Variants in TCEA1 observed in about 807,000 individuals in gnomAD.
TCEA1 encodes transcription elongation factor A protein 1.
In TCEA1, 21 loss-of-function variants were observed where a neutral mutation model predicts 43.8. That is an observed-to-expected ratio of 0.48 (90% CI 0.34 to 0.69). TCEA1 has a LOEUF of 0.69. Among genes scored for constraint, TCEA1 ranks in the 30% least tolerant of loss-of-function variants. The pLI, the probability that TCEA1 is intolerant of heterozygous loss-of-function variation, is 0.01. For synonymous variants in TCEA1, 104 were observed against 117.5 expected (o/e 0.88, Z 0.75); for missense variants, 250 against 365.1 (o/e 0.68, Z 2.57).
In TCEA1 at chr8:53,988,189, G is replaced by A. The variant is rs1005850753; in HGVS notation, c.391C>T (p.Pro131Ser). 3 of 1,613,164 alleles carry A rather than the reference G, an allele frequency of 1.9e-6. No individual in the cohort carries two copies. Among genetic ancestry groups the A allele is most frequent in the African/African-American group, 1.3e-5 (1 of 74,908 alleles). The change falls in exon 5 of 10, where the codon CCT becomes TCT. Residue 131 changes from proline to serine, a missense_variant. By Grantham distance (74) the Pro-to-Ser change is moderately conservative. Transcript: ENST00000521604. ...GAATCAGAAGTGCTTGGTGCCCGAG[G>A]AAAGGATGAAACATAAGTATCTCGA... The part of the protein sequence containing the change: ...NARDTYVSSF[P>S]RAPSTSDSVR...
chr8:53,988,519 A>G (rs138198190), intron 4 of TCEA1, among the ~76,000 whole-genome samples: 131 of 152,318 alleles, frequency 8.6e-4, no homozygotes, highest in African/African-American at 2.9e-3. Flanking sequence ...ATATTAAGCA[A>G]TATTTTTAAT....
At chr8:54,010,646 T>C (rs368955771) in intron 1 of TCEA1, among the ~76,000 whole-genome samples, 154 bp from the exon 2 acceptor site, 7 of 152,166 alleles carry the variant, frequency 4.6e-5, no homozygotes, top group Non-Finnish European at 5.9e-5. Context: ...AGCCAAATAT[T>C]ACAATTTGAT....
chr8:54,011,562 T>C (rs898221762), intron 1 of TCEA1, among the ~76,000 whole-genome samples: 1 of 152,262 alleles, frequency 6.6e-6, no homozygotes, highest in Non-Finnish European at 1.5e-5. Flanking sequence ...CAATGATATG[T>C]GTACCTATCC....
intron 1 of TCEA1, among the ~76,000 whole-genome samples, chr8:54,011,402 A>G (rs926010598): frequency 4.6e-5 from 7 of 152,144 alleles, no homozygotes; most frequent in South Asian, 2.1e-4. Flanking sequence ...TTCACCTCCA[A>G]TGCTCTTCAC....
chr8:54,006,881 A>C (rs769751008), intron 2 of TCEA1, among the ~76,000 whole-genome samples: 12 of 152,158 alleles, frequency 7.9e-5, no homozygotes, highest in Non-Finnish European at 1.5e-4. Context: ...TCTGTTGCCC[A>C]GGCTGGGGTG....
chr8:53,999,098 G>C (rs1050828953), intron 3 of TCEA1, among the ~76,000 whole-genome samples: 1 of 151,550 alleles, frequency 6.6e-6, no homozygotes, highest in African/African-American at 2.4e-5. Context: ...CGTGGTGGCG[G>C]CCACCTGTAG....
At chr8:53,979,429 G>A (rs965163472) in intron 7 of TCEA1, among the ~76,000 whole-genome samples, 3 of 152,194 alleles carry the variant, frequency 2.0e-5, no homozygotes, top group Admixed American at 6.5e-5. Flanking sequence ...CCTTTGCAAA[G>A]ATTATGACAG....
intron 7 of TCEA1, 109 bp downstream of exon 7, chr8:53,984,254 G>A (rs892777913): frequency 7.4e-6 from 8 of 1,075,470 alleles, no homozygotes; most frequent in Middle Eastern, 3.2e-4. Context: ...CAGAATAACG[G>A]AAATTTATTA....
intron 1 of TCEA1, among the ~76,000 whole-genome samples, chr8:54,014,734 T>TA (rs1467807699): frequency 1.3e-5 from 2 of 152,196 alleles, no homozygotes; most frequent in African/African-American, 2.4e-5. Flanking sequence ...CAAGGAGATG[T>TA]AAAAAGGAGG....
intron 7 of TCEA1, among the ~76,000 whole-genome samples, chr8:53,980,603 C>T (rs1249793920): frequency 6.6e-6 from 1 of 152,156 alleles, no homozygotes; most frequent in Non-Finnish European, 1.5e-5. Context: ...ACTTTGACCA[C>T]ATAGGACAGT....
chr8:54,011,039 G>A (rs1286520793), intron 1 of TCEA1, among the ~76,000 whole-genome samples: 1 of 152,160 alleles, frequency 6.6e-6, no homozygotes, highest in Admixed American at 6.6e-5. Flanking sequence ...CTGATCTCAG[G>A]TGATCTGCCT....
chr8:53,970,147 T>C lies in TCEA1; in HGVS notation c.897+245A>G, dbSNP rs1286052599. On this transcript the variant is annotated intron_variant, in intron 9 of 9. Coordinates refer to ENST00000521604, the MANE Select transcript of TCEA1 (RefSeq NM_006756.4). ...GGACAGTGATATAATAATTGAACAG[T>C]TAAGATTCACTCCCCATTTCCTGCA... is the stretch of plus-strand genomic sequence containing the variant. The C allele has an allele frequency of 2.5e-5, 13 of 513,282 alleles. No individual in the cohort carries two copies. The Admixed American group carries it at 4.7e-4, about 19-fold the overall frequency. The allele number at this position is 513,282 out of a possible 1,614,324, so 31.8% of individuals were successfully genotyped here.
At chr8:54,006,039 G>T (rs1804425749) in intron 2 of TCEA1, among the ~76,000 whole-genome samples, 1 of 152,138 alleles carries the variant, frequency 6.6e-6, no homozygotes, top group African/African-American at 2.4e-5. Context: ...TCTATCTGCT[G>T]AGGGAGAACC....
intron 8 of TCEA1, among the ~76,000 whole-genome samples, chr8:53,970,736 T>C (rs1010426178): frequency 6.6e-6 from 1 of 152,184 alleles, no homozygotes; most frequent in African/African-American, 2.4e-5. Context: ...TTTTTATAAA[T>C]AGCTAATAAA....
intron 7 of TCEA1, among the ~76,000 whole-genome samples, chr8:53,982,471 G>T (rs1033523663): frequency 2.6e-5 from 4 of 152,002 alleles, no homozygotes; most frequent in African/African-American, 4.8e-5. Flanking sequence ...AGCTGGGCTT[G>T]GTGGCGGGCG....
At chr8:53,978,253 T>C (rs1803391999) in intron 8 of TCEA1, among the ~76,000 whole-genome samples, 1 of 152,080 alleles carries the variant, frequency 6.6e-6, no homozygotes, top group East Asian at 1.9e-4. Flanking sequence ...TAATAATAAT[T>C]TTTTTTAAAA....
chr8:54,006,962 C>T (rs912533817), intron 2 of TCEA1, among the ~76,000 whole-genome samples: 2 of 152,050 alleles, frequency 1.3e-5, no homozygotes, highest in Non-Finnish European at 2.9e-5. Context: ...CTCAGCCTCC[C>T]GAGTAGCTGG....
intron 1 of TCEA1, among the ~76,000 whole-genome samples, chr8:54,012,535 G>A (rs948547045): frequency 3.3e-5 from 5 of 152,116 alleles, no homozygotes; most frequent in Non-Finnish European, 7.3e-5. Context: ...CTCCAGCCTG[G>A]GCGACAGAGC....
At chr8:53,973,410 G>C in intron 8 of TCEA1, 13 of 502,500 alleles carry the variant, frequency 2.6e-5, no homozygotes, top group South Asian at 2.3e-4. Context: ...TCTTGCTAAA[G>C]AGGCCAGTGA....
Sources: gnomAD v4.1 joint callset for allele counts (sites outside exome capture counted in the v4.1 genomes callset) on GRCh38, gnomAD v4.1.1 for gene constraint, MANE v1.5 for transcripts, NCBI Gene and HGNC (gene_info 2026-07-23, HGNC 2026-07-21) for gene names.